The following SNX5 variants were observed in gnomAD, a reference collection of about 807,000 sequenced individuals.
The protein encoded by SNX5 is sorting nexin-5.
In SNX5, 31 loss-of-function variants were observed where a neutral mutation model predicts 53.9. That is an observed-to-expected ratio of 0.58 (90% CI 0.43 to 0.78). SNX5 has a LOEUF of 0.78. Among genes scored for constraint, SNX5 ranks in the 30% least tolerant of loss-of-function variants. The probability of loss-of-function intolerance (pLI) is 0.00; values close to 1 mark genes in which losing one functional copy is unlikely to be tolerated. For missense variants in SNX5, 471 were observed against 478.8 expected (o/e 0.98, Z 0.15); for synonymous variants, 168 against 171.1 (o/e 0.98, Z 0.14).
chr20:17,964,390 A>T (rs2035504954), intron 1 of SNX5, among the ~76,000 whole-genome samples: 2 of 152,216 alleles, frequency 1.3e-5, no homozygotes, highest in Non-Finnish European at 2.9e-5. Flanking sequence ...ATGTAAAAAG[A>T]AGAGTCAAGC....
At position 17,954,049 on chromosome 20, in the gene SNX5, A is replaced by G; in HGVS notation, c.336T>C (p.Gly112=). The change falls in exon 4 of 13, where the codon GGT becomes GGC. Residue 112 remains glycine, a synonymous_variant. Transcript: ENST00000377759. ...PREKMQKLGE[G]EGSMTKEEFA... ...ATTCTTCTTTGGTCATAGACCCTTC[A>G]CCTTCTCCCAGTTTCTGCATCTTCT... 1.9e-6 allele frequency: 3 copies of G among 1,613,910 alleles called. No individual in the cohort carries two copies. Among genetic ancestry groups the G allele is most frequent in the Non-Finnish European group, 2.5e-6 (3 of 1,179,880 alleles).
chr20:17,943,020 C>A, intron 12 of SNX5, 90 bp downstream of exon 12: 1 of 868,400 alleles, frequency 1.2e-6, no homozygotes. Flanking sequence ...AAGGCCACCC[C>A]AACTGCCTGA....
At chr20:17,946,755 T>C (rs2039492868) in intron 11 of SNX5, among the ~76,000 whole-genome samples, 1 of 152,238 alleles carries the variant, frequency 6.6e-6, no homozygotes, top group South Asian at 2.1e-4. Context: ...CCAAGGTATT[T>C]GCATGGTCTT....
intron 1 of SNX5, among the ~76,000 whole-genome samples, chr20:17,965,943 C>A (rs16978653): frequency 0.57 from 87,160 of 151,812 alleles, 25,405 homozygotes; most frequent in African/African-American, 0.67. Context: ...CTATACTAAC[C>A]AACTGCACTC....
chr20:17,968,299 C>T, intron 1 of SNX5, 76 bp downstream of exon 1: 4 of 1,181,092 alleles, frequency 3.4e-6, no homozygotes, highest in Non-Finnish European at 4.3e-6. Flanking sequence ...CCTATGGACG[C>T]GCAAGGGAAA....
chr20:17,959,484 C>T (rs2035415139), intron 1 of SNX5, among the ~76,000 whole-genome samples: 1 of 149,070 alleles, frequency 6.7e-6, no homozygotes, highest in South Asian at 2.1e-4. Flanking sequence ...AGCCATTTTG[C>T]CCAGACATTT....
chr20:17,961,515 C>T, intron 1 of SNX5: 1 of 985,350 alleles, frequency 1.0e-6, no homozygotes, highest in Non-Finnish European at 1.2e-6. Context: ...TCATTTAAAT[C>T]TAATAGTCAT....
intron 1 of SNX5, among the ~76,000 whole-genome samples, chr20:17,959,962 A>G (rs1189993203): frequency 6.6e-6 from 1 of 151,958 alleles, no homozygotes; most frequent in Non-Finnish European, 1.5e-5. Flanking sequence ...GCTGGCCAAC[A>G]CTTGAGTCTC....
At chr20:17,951,642 A>G (rs1172290483) in intron 5 of SNX5, 47 bp from the exon 6 acceptor site, 1 of 1,296,032 alleles carries the variant, frequency 7.7e-7, no homozygotes, top group Non-Finnish European at 1.1e-6. Context: ...GGATTTTTCT[A>G]GATTCTCTTA....
chr20:17,952,816 C>CTGT, intron 4 of SNX5, 106 bp from the exon 5 acceptor site: 1 of 1,334,538 alleles, frequency 7.5e-7, no homozygotes, highest in Non-Finnish European at 1.0e-6. Context: ...ACATAAAACA[C>CTGT]TGCAACTGGA....
At chr20:17,960,781 A>AAC (rs1311014715) in intron 1 of SNX5, among the ~76,000 whole-genome samples, 1 of 151,922 alleles carries the variant, frequency 6.6e-6, no homozygotes, top group Non-Finnish European at 1.5e-5. Context: ...CAAAAAAAAA[A>AAC]AAAAAAACTA....
intron 11 of SNX5, chr20:17,945,274 T>A (rs2039471970): frequency 6.6e-6 from 1 of 152,248 alleles, no homozygotes; most frequent in South Asian, 2.1e-4. Context: ...ATTCACCTCC[T>A]GTGAAACCAG....
At chr20:17,947,746 T>A in intron 10 of SNX5, 101 bp from the exon 11 acceptor site, 1 of 942,456 alleles carries the variant, frequency 1.1e-6, no homozygotes, top group Non-Finnish European at 1.5e-6. Context: ...GGCAATAATC[T>A]ACCTCTACAC....
At chr20:17,945,286 C>T (rs963413217) in intron 11 of SNX5, 1 of 152,210 alleles carries the variant, frequency 6.6e-6, no homozygotes, top group East Asian at 1.9e-4. Flanking sequence ...TGAAACCAGC[C>T]CTTACCCACT....
chr20:17,947,411 C>A, intron 11 of SNX5, 75 bp downstream of exon 11: 1 of 1,518,374 alleles, frequency 6.6e-7, no homozygotes, highest in Non-Finnish European at 8.9e-7. Context: ...GTGTTTTTTG[C>A]ACTATTTGTA....
At position 17,968,709 on chromosome 20, in the gene SNX5, G is replaced by T. The variant is rs899596805; in HGVS notation, c.-284C>A. 1.6e-5 allele frequency: 7 copies of T among 450,954 alleles called. No individual in the cohort carries two copies. The highest frequency in any genetic ancestry group is 2.4e-5 in the Non-Finnish European group (6 of 245,814). 27.9% of individuals were successfully genotyped at this position (450,954 alleles called of 1,614,324 possible). A position where few individuals can be genotyped will look rare whatever the true frequency, so the allele number is the denominator to read the frequency against. On this transcript the variant is annotated 5_prime_UTR_variant, in exon 1 of 13. Transcript: ENST00000377759. ...GCCACGTGGGGCCTACCCTTGCTCC[G>T]CTCCACGAGGAGGCCGCCAACCGCA...
rs751031852 is a variant in SNX5, at chr20:17,948,906, T to C, written c.902A>G (p.Asn301Ser). Residue 301 changes from asparagine to serine, a missense_variant, in exon 10 of 13, where the codon AAC (asparagine) becomes AGC (serine). Asn to Ser is a conservative substitution (Grantham distance 46, BLOSUM62 1). Transcript: ENST00000377759. The stretch of plus-strand genomic sequence containing the variant: ...TCTTCCTACCTTAGCAGCTTCAATG[T>C]TGAGCATGTAGTATCGGAGGAGCTC... ...LTELLRYYML[N>S]IEAAKDLLYR... 7 of 1,612,104 alleles carry C rather than the reference T, an allele frequency of 4.3e-6. No homozygotes were observed. The highest frequency in any genetic ancestry group is 2.2e-4 in the Middle Eastern group (1 of 4,476).
chr20:17,966,180 T>C (rs2035533844), intron 1 of SNX5, among the ~76,000 whole-genome samples: 2 of 151,554 alleles, frequency 1.3e-5, no homozygotes, highest in African/African-American at 4.8e-5. Flanking sequence ...GAAGGTCGAG[T>C]TCAAATACCA....
chr20:17,963,769 A>G (rs533858527), intron 1 of SNX5, among the ~76,000 whole-genome samples: 8 of 152,346 alleles, frequency 5.3e-5, no homozygotes, highest in African/African-American at 1.7e-4. Context: ...TAGGTTTGAC[A>G]ATTTACCTTT....
Sources: gnomAD v4.1 joint callset for allele counts (sites outside exome capture counted in the v4.1 genomes callset) on GRCh38, gnomAD v4.1.1 for gene constraint, MANE v1.5 for transcripts, NCBI Gene and HGNC (gene_info 2026-07-23, HGNC 2026-07-21) for gene names.